Variants in MYSM1 observed in about 807,000 individuals in gnomAD.
MYSM1 encodes the protein deubiquitinase MYSM1.
A neutral mutation model predicts 116.0 loss-of-function variants in MYSM1; 51 were observed. The observed-to-expected ratio is 0.44, with a 90% CI of 0.35 to 0.56. The LOEUF (loss-of-function observed/expected upper bound fraction) is 0.56. MYSM1 is among the 20% of genes least tolerant of loss of function. The pLI, the probability that MYSM1 is intolerant of heterozygous loss-of-function variation, is 0.00. For missense variants in MYSM1, 900 were observed against 974.9 expected, an observed-to-expected ratio of 0.92 and a Z score of 1.02; for synonymous variants, 313 against 315.2, an observed-to-expected ratio of 0.99 and a Z score of 0.07.
intron 1 of MYSM1, chr1:58,699,567 G>A: frequency 1.1e-6 from 1 of 941,940 alleles, no homozygotes; most frequent in East Asian, 1.2e-4. Context: ...AAGAAGGGAT[G>A]AAACGACTCG....
chr1:58,655,986 A>G lies in MYSM1; in HGVS notation c.*4011T>C, dbSNP rs1020272950. On this transcript the variant is annotated 3_prime_UTR_variant, in exon 20 of 20. Coordinates refer to ENST00000472487, the MANE Select transcript of MYSM1 (RefSeq NM_001085487.3). ...GCTGACTTGCGACTGGATGGCTTCA[A>G]CTCAGGTGCTCATGTGTTACATGGC... The G allele has an allele frequency of 1.3e-5, 2 of 152,156 alleles. No homozygotes were observed. Among genetic ancestry groups the G allele is most frequent in the African/African-American group, 4.8e-5 (2 of 41,440 alleles). The allele number at this position is 152,156 out of a possible 1,614,324, so 9.4% of individuals were successfully genotyped here.
intron 16 of MYSM1, among the ~76,000 whole-genome samples, chr1:58,666,751 G>A (rs865814471): frequency 3.3e-5 from 5 of 151,624 alleles, no homozygotes; most frequent in Admixed American, 6.6e-5. Context: ...GTGCACGCCT[G>A]TAATCCCAGC....
At position 58,677,072 on chromosome 1, in the gene MYSM1, A is replaced by T. The variant is rs1396407604; in HGVS notation, c.1260-16T>A. 1 of 1,572,206 alleles carries T rather than the reference A, an allele frequency of 6.4e-7. No individual in the cohort carries two copies. The highest frequency in any genetic ancestry group is 1.2e-5 in the South Asian group (1 of 84,876). The stretch of plus-strand genomic sequence containing the variant: ...GCATATCTCCCTAATTAAGAGACAG[A>T]AGTACAATTATTTTGGATAAATAAA... On this transcript the variant is annotated splice_polypyrimidine_tract_variant and intron_variant, in intron 8 of 19. Coordinates refer to ENST00000472487, the MANE Select transcript of MYSM1 (RefSeq NM_001085487.3).
In MYSM1 at chr1:58,669,853, A is replaced by AC. The variant is rs1442147508; in HGVS notation, c.1662-816_1662-815insG. 2.2e-3 allele frequency among the ~76,000 whole-genome samples: 328 copies of AC among 148,302 alleles called. 38 individuals are homozygous for AC. Among genetic ancestry groups the AC allele is most frequent in the African/African-American group, 6.8e-3 (276 of 40,512 alleles). On this transcript the variant is annotated intron_variant, in intron 12 of 19. Transcript: ENST00000472487. ...CCTGTCTCCAAAAAAAAAAAAAAAA[A>AC]AAAAAAAAACAAAAAAGTGAAAAAG...
rs1445559436 is a variant in MYSM1, at chr1:58,657,083, T to C, written c.*2914A>G. The C allele has an allele frequency of 6.6e-6, 1 of 152,020 alleles. No individual in the cohort carries two copies. Among genetic ancestry groups the C allele is most frequent in the East Asian group, 1.9e-4 (1 of 5,182 alleles). 9.4% of individuals were successfully genotyped at this position (152,020 alleles called of 1,614,324 possible). A position where few individuals can be genotyped will look rare whatever the true frequency, so the allele number is the denominator to read the frequency against. On this transcript the variant is annotated 3_prime_UTR_variant, in exon 20 of 20. Coordinates refer to ENST00000472487, the MANE Select transcript of MYSM1 (RefSeq NM_001085487.3). ...GGAAACTGAAGATAATTTAAAAGGA[T>C]TAGAGAAGAATGGTCAAGGCTAAAA...
At chr1:58,677,077 C>T (rs761054016) in intron 8 of MYSM1, 21 bp from the exon 9 acceptor site, 3 of 1,566,100 alleles carry the variant, frequency 1.9e-6, no homozygotes, top group African/African-American at 1.4e-5. Flanking sequence ...GACAGAAGTA[C>T]AATTATTTTG....
chr1:58,678,981 G>A (rs1419132543), intron 8 of MYSM1, among the ~76,000 whole-genome samples: 1 of 152,126 alleles, frequency 6.6e-6, no homozygotes, highest in Non-Finnish European at 1.5e-5. Flanking sequence ...TGAGAACGAG[G>A]TTGTCAAAAG....
At chr1:58,663,633 A>C (rs1644427189) in intron 17 of MYSM1, among the ~76,000 whole-genome samples, 1 of 152,232 alleles carries the variant, frequency 6.6e-6, no homozygotes, top group Non-Finnish European at 1.5e-5. Flanking sequence ...AGCATCATGG[A>C]TAGTTCCCTC....
chr1:58,670,428 A>T (rs924920991), intron 12 of MYSM1, among the ~76,000 whole-genome samples: 7 of 152,224 alleles, frequency 4.6e-5, no homozygotes, highest in Admixed American at 3.3e-4. Flanking sequence ...GCAGAAAAGG[A>T]GGAACTAGAT....
rs543879628 is a variant in MYSM1 at position 58,667,822 on chromosome 1, CA to C, written c.1842+24del. On this transcript the variant is annotated intron_variant, in intron 15 of 19. Coordinates refer to ENST00000472487, the MANE Select transcript of MYSM1 (RefSeq NM_001085487.3). The stretch of plus-strand genomic sequence containing the variant: ...TGGTAGTAGGACTAAATAACTAAAA[CA>C]TTTTTTTAAAAGAGAGAACTTACTT... 1.3e-3 allele frequency: 1,948 copies of C among 1,451,998 alleles called. 25 individuals carry two copies. The African/African-American group carries it at 0.024, about 18-fold the overall frequency. 89.9% of individuals were successfully genotyped at this position (1,451,998 alleles called of 1,614,324 possible).
At chr1:58,679,679 G>A (rs144815560) in intron 8 of MYSM1, among the ~76,000 whole-genome samples, 3 of 152,014 alleles carry the variant, frequency 2.0e-5, no homozygotes, top group Non-Finnish European at 2.9e-5. Flanking sequence ...AACTAGTCTC[G>A]AACTCCTGGC....
intron 3 of MYSM1, 75 bp from the exon 4 acceptor site, chr1:58,690,492 T>C: frequency 1.0e-6 from 1 of 1,000,690 alleles, no homozygotes. Flanking sequence ...ACAAAACGTG[T>C]GCTACATAAA....
chr1:58,674,943 GA>G lies in MYSM1; in HGVS notation c.1494+533del, dbSNP rs1185703147. On this transcript the variant is annotated intron_variant, in intron 10 of 19. Transcript: ENST00000472487. ...CTCTGTCTCAAAAAAAAAAAAAAAA[GA>G]AAAAAAAAGTGTTGGATCACATTTT... 2.8e-4 allele frequency among the ~76,000 whole-genome samples: 39 copies of G among 138,848 alleles called. No individual in the cohort carries two copies. In the South Asian group the frequency reaches 8.5e-3, roughly 30 times the overall value. The allele number at this position is 138,848 out of a possible 152,430, so 91.1% of individuals were successfully genotyped here.
chr1:58,695,834 T>G (rs1055684052), intron 1 of MYSM1, among the ~76,000 whole-genome samples: 1 of 152,210 alleles, frequency 6.6e-6, no homozygotes, highest in Non-Finnish European at 1.5e-5. Context: ...ATTATCTCAC[T>G]CGTTTCATTA....
At chr1:58,665,775 T>G in intron 16 of MYSM1, 144 bp from the exon 17 acceptor site, 1 of 615,564 alleles carries the variant, frequency 1.6e-6, no homozygotes, top group Non-Finnish European at 2.7e-6. Flanking sequence ...CCCGGCACAG[T>G]GGCCCACGCC....
At chr1:58,673,031 C>A (rs1482683216) in intron 11 of MYSM1, among the ~76,000 whole-genome samples, 2 of 152,098 alleles carry the variant, frequency 1.3e-5, no homozygotes, top group Non-Finnish European at 2.9e-5. Context: ...TATCTCGTTT[C>A]TTTCTTACAA....
chr1:58,679,333 A>G (rs969628862), intron 8 of MYSM1, among the ~76,000 whole-genome samples: 1 of 152,216 alleles, frequency 6.6e-6, no homozygotes, highest in Non-Finnish European at 1.5e-5. Context: ...ACCAAGGCAA[A>G]TGACTTAGGA....
chr1:58,697,146 G>C (rs1430851680), intron 1 of MYSM1, among the ~76,000 whole-genome samples: 1 of 152,170 alleles, frequency 6.6e-6, no homozygotes, highest in Non-Finnish European at 1.5e-5. Flanking sequence ...TAACTGATAG[G>C]GTAGAGGAGT....
intron 8 of MYSM1, among the ~76,000 whole-genome samples, chr1:58,681,496 G>C (rs532931783): frequency 1.9e-4 from 29 of 152,290 alleles, no homozygotes; most frequent in African/African-American, 6.7e-4. Context: ...GTGCAGTGGT[G>C]TTCTCTCTAT....
Sources: allele counts gnomAD v4.1 joint callset (sites outside exome capture counted in the v4.1 genomes callset), GRCh38; gene constraint gnomAD v4.1.1; transcripts MANE v1.5; gene names NCBI Gene and HGNC (gene_info 2026-07-23, HGNC 2026-07-21).